Variants in KLHL32 observed in about 807,000 individuals in gnomAD.
KLHL32 encodes the protein kelch-like protein 32.
A neutral mutation model predicts 64.8 loss-of-function variants in KLHL32; 35 were observed. That is an observed-to-expected ratio of 0.54 (90% CI 0.41 to 0.72). The LOEUF (loss-of-function observed/expected upper bound fraction) is 0.72. Ranked by LOEUF, KLHL32 falls within the 30% of genes least tolerant of loss-of-function variation. KLHL32 has a pLI of 0.00. For missense variants in KLHL32, 589 were observed against 768.5 expected (o/e 0.77, Z 2.76); for synonymous variants, 259 against 281.0 (o/e 0.92, Z 0.78).
chr6:97,087,955 C>T (rs1793676070), intron 6 of KLHL32, among the ~76,000 whole-genome samples: 1 of 152,148 alleles, frequency 6.6e-6, no homozygotes, highest in Non-Finnish European at 1.5e-5. Flanking sequence ...ATCTGTGAAC[C>T]TGTAAAATAC....
At chr6:96,955,202 G>A (rs904589743) in intron 1 of KLHL32, among the ~76,000 whole-genome samples, 2 of 152,222 alleles carry the variant, frequency 1.3e-5, no homozygotes, top group East Asian at 3.9e-4. Flanking sequence ...GAATTTTGGG[G>A]GAGACACATT....
chr6:96,986,568 A>T lies in KLHL32; in HGVS notation c.204+10391A>T, dbSNP rs539156330. ...TTGTTTACCTACTCAAGCCTTGGCA[A>T]TGGCGGGCGCCCCTCCCCCAGCCTG... On this transcript the variant is annotated intron_variant, in intron 3 of 10. Transcript: ENST00000369261. 7.9e-4 allele frequency among the ~76,000 whole-genome samples: 120 copies of T among 152,304 alleles called. No individual in the cohort carries two copies. The Middle Eastern group carries it at 0.01, about 13-fold the overall frequency.
At chr6:96,982,788 G>A (rs139770176) in intron 3 of KLHL32, among the ~76,000 whole-genome samples, 63 of 151,210 alleles carry the variant, frequency 4.2e-4, no homozygotes, top group African/African-American at 1.5e-3. Flanking sequence ...GGGCTGAGAC[G>A]ATGGGGTTTT....
rs534143056 is a variant in KLHL32 at position 97,103,972 on chromosome 6, A to G, written c.628-9811A>G. Among the ~76,000 whole-genome samples, 279 of 152,318 alleles carry G rather than the reference A, an allele frequency of 1.8e-3. 1 individual carries two copies. The highest frequency in any genetic ancestry group is 6.2e-3 in the African/African-American group (258 of 41,574). The stretch of plus-strand genomic sequence containing the variant: ...AGGAGACTCTCTCATCAACTAATTT[A>G]TTTTAAAAATGAGAGCCAAATAACT... On this transcript the variant is annotated intron_variant, in intron 6 of 10. Coordinates refer to ENST00000369261, the MANE Select transcript of KLHL32 (RefSeq NM_052904.4).
At chr6:96,929,472 G>A (rs1769580218) in intron 1 of KLHL32, among the ~76,000 whole-genome samples, 1 of 152,154 alleles carries the variant, frequency 6.6e-6, no homozygotes, top group Admixed American at 6.5e-5. Flanking sequence ...TTTCAGAATT[G>A]TTTTCCAATT....
intron 4 of KLHL32, among the ~76,000 whole-genome samples, chr6:97,056,512 G>C (rs1160216929): frequency 6.6e-6 from 1 of 152,020 alleles, no homozygotes; most frequent in Non-Finnish European, 1.5e-5. Context: ...GGCTTTGCTT[G>C]CTCCTCCCCA....
intron 4 of KLHL32, among the ~76,000 whole-genome samples, chr6:97,057,874 C>G (rs982469598): frequency 1.3e-5 from 2 of 152,168 alleles, no homozygotes; most frequent in African/African-American, 4.8e-5. Flanking sequence ...TCTAGTTTTG[C>G]ATTTTACATC....
chr6:97,063,242 C>T (rs1314191199), intron 4 of KLHL32, among the ~76,000 whole-genome samples: 2 of 152,096 alleles, frequency 1.3e-5, no homozygotes, highest in African/African-American at 2.4e-5. Context: ...CAGTGATTAT[C>T]GAAGTCATGA....
At chr6:96,952,374 T>G (rs1315491223) in intron 1 of KLHL32, among the ~76,000 whole-genome samples, 1 of 152,190 alleles carries the variant, frequency 6.6e-6, no homozygotes, top group Non-Finnish European at 1.5e-5. Flanking sequence ...ACTCTTGTTT[T>G]TATGAATTAG....
Position 97,139,403 on chromosome 6 carries a change from T to G in KLHL32, c.*121T>G. 1.1e-6 allele frequency: 1 copy of G among 892,690 alleles called. No homozygotes were observed. Among genetic ancestry groups the G allele is most frequent in the East Asian group, 2.6e-5 (1 of 38,864 alleles). The allele number at this position is 892,690 out of a possible 1,614,324, so 55.3% of individuals were successfully genotyped here. A position where few individuals can be genotyped will look rare whatever the true frequency, so the allele number is the denominator to read the frequency against. On this transcript the variant is annotated 3_prime_UTR_variant, in exon 11 of 11. Coordinates refer to ENST00000369261, the MANE Select transcript of KLHL32 (RefSeq NM_052904.4). ...TTATAGGTCTTATATTCGGATAAAT[T>G]TAAGCAAAAAATGAACAATTTTCTA...
intron 6 of KLHL32, among the ~76,000 whole-genome samples, chr6:97,098,423 A>AT (rs889437216): frequency 6.6e-6 from 1 of 151,898 alleles, no homozygotes; most frequent in African/African-American, 2.4e-5. Flanking sequence ...AGCCTGGGAC[A>AT]TTTTTTCTCA....
chr6:97,043,979 AT>A (rs939095366), intron 4 of KLHL32, among the ~76,000 whole-genome samples: 11 of 147,550 alleles, frequency 7.5e-5, no homozygotes, highest in East Asian at 2.0e-4. Flanking sequence ...TCTCAGTTGT[AT>A]TTTTTTTTTC....
intron 1 of KLHL32, among the ~76,000 whole-genome samples, chr6:96,957,906 C>A (rs1441053116): frequency 6.6e-6 from 1 of 152,140 alleles, no homozygotes; most frequent in Non-Finnish European, 1.5e-5. Flanking sequence ...CATCATGATT[C>A]AATATATGCA....
In KLHL32 at chr6:96,924,904, C is replaced by T. The variant is rs886709245; in HGVS notation, c.-188C>T. On this transcript the variant is annotated 5_prime_UTR_variant, in exon 1 of 11. Transcript: ENST00000369261. ...GCATCCCCGAACCAGCAGAGCGAAG[C>T]TACTGCGGGTTCTGTTAACCTCAGC... 6.6e-6 allele frequency: 1 copy of T among 152,416 alleles called. No individual in the cohort carries two copies. Among genetic ancestry groups the T allele is most frequent in the Non-Finnish European group, 1.5e-5 (1 of 68,224 alleles). 9.4% of individuals were successfully genotyped at this position (152,416 alleles called of 1,614,324 possible).
chr6:97,123,944 A>G (rs184280949), intron 7 of KLHL32, among the ~76,000 whole-genome samples: 138 of 152,318 alleles, frequency 9.1e-4, no homozygotes, highest in African/African-American at 3.1e-3. Context: ...CTATTTTTGT[A>G]TAGTCAAATC....
the KLHL32 span, among the ~76,000 whole-genome samples, chr6:96,903,181 G>C: frequency 6.6e-6 from 1 of 151,438 alleles, no homozygotes; most frequent in Non-Finnish European, 1.5e-5. Context: ...GAAAATAAAA[G>C]AACAAATAAA....
the KLHL32 span, among the ~76,000 whole-genome samples, chr6:96,909,131 G>T: frequency 6.6e-6 from 1 of 152,056 alleles, no homozygotes; most frequent in Non-Finnish European, 1.5e-5. Context: ...TTCTACTCCA[G>T]ATTTAAGTTA....
intron 7 of KLHL32, among the ~76,000 whole-genome samples, chr6:97,117,249 T>A (rs1797889280): frequency 6.6e-6 from 1 of 152,222 alleles, no homozygotes; most frequent in African/African-American, 2.4e-5. Flanking sequence ...TTGAGGCTAT[T>A]CCTTATCCTT....
rs570758894 is a variant in KLHL32 at position 97,035,139 on chromosome 6, T to C, written c.205-6353T>C. 7.9e-4 allele frequency among the ~76,000 whole-genome samples: 120 copies of C among 152,202 alleles called. 1 individual carries two copies. The highest frequency in any genetic ancestry group is 2.8e-3 in the African/African-American group (116 of 41,558). Reference sequence around the variant, plus strand: ...CTATTTATCTTTTGTATATCTATTATAAGTTTTTTTCTGTGTGGTTACCTC... The same window carrying C: ...CTATTTATCTTTTGTATATCTATTACAAGTTTTTTTCTGTGTGGTTACCTC... On this transcript the variant is annotated intron_variant, in intron 3 of 10. Transcript: ENST00000369261.
Sources: allele counts gnomAD v4.1 joint callset (sites outside exome capture counted in the v4.1 genomes callset), GRCh38; gene constraint gnomAD v4.1.1; transcripts MANE v1.5; gene names NCBI Gene and HGNC (gene_info 2026-07-23, HGNC 2026-07-21).